The following IHO1 variants were observed in gnomAD, a reference collection of about 807,000 sequenced individuals.
The protein encoded by IHO1 is interactor of HORMAD1 protein 1.
In IHO1, 13 loss-of-function variants were observed where a neutral mutation model predicts 31.0. The ratio of observed to expected loss-of-function variants is 0.42; its 90% confidence interval spans 0.27 to 0.67. The LOEUF is 0.67. Ranked by LOEUF, IHO1 falls within the 30% of genes least tolerant of loss-of-function variation. The probability of loss-of-function intolerance (pLI) is 0.24; values close to 1 mark genes in which losing one functional copy is unlikely to be tolerated. For missense variants in IHO1, 599 were observed against 687.5 expected, an observed-to-expected ratio of 0.87 and a Z score of 1.44; for synonymous variants, 221 against 248.4, an observed-to-expected ratio of 0.89 and a Z score of 1.04.
Position 49,242,162 on chromosome 3 carries a change from C to T in IHO1, c.395+773C>T, listed in dbSNP as rs150694394. Among the ~76,000 whole-genome samples the T allele has an allele frequency of 5.9e-3, 894 of 152,214 alleles. 9 individuals are homozygous for T. The highest frequency in any genetic ancestry group is 0.02 in the African/African-American group (848 of 41,540). On this transcript the variant is annotated intron_variant, in intron 4 of 7. Transcript: ENST00000452691. ...TTCGCCATGTTGGCCAGGCTGGTCA[C>T]GAACTCCTGACCTCAGGTGATCTGC...
At chr3:49,247,983 T>C (rs1323359927) in intron 6 of IHO1, among the ~76,000 whole-genome samples, 7 of 151,136 alleles carry the variant, frequency 4.6e-5, no homozygotes, top group Non-Finnish European at 8.8e-5. Flanking sequence ...AAATTAGCCA[T>C]GCGTGATGGC....
At chr3:49,214,417 T>C (rs932810430) in intron 2 of IHO1, among the ~76,000 whole-genome samples, 1 of 151,394 alleles carries the variant, frequency 6.6e-6, no homozygotes, top group Non-Finnish European at 1.5e-5. Flanking sequence ...GCCTGAGAAG[T>C]AGTGTATATT....
chr3:49,238,794 T>TAATC (rs2046590331), intron 3 of IHO1, among the ~76,000 whole-genome samples: 1 of 152,030 alleles, frequency 6.6e-6, no homozygotes, highest in Non-Finnish European at 1.5e-5. Flanking sequence ...ACCTTGAGTA[T>TAATC]CACTAAGGAA....
intron 2 of IHO1, among the ~76,000 whole-genome samples, chr3:49,217,728 G>A (rs1228251234): frequency 2.0e-5 from 3 of 152,146 alleles, no homozygotes; most frequent in East Asian, 1.9e-4. Context: ...GCAACTAGAC[G>A]GTCCCATTTG....
intron 2 of IHO1, among the ~76,000 whole-genome samples, chr3:49,222,774 A>G (rs934816780): frequency 5.1e-4 from 78 of 152,080 alleles, no homozygotes; most frequent in Admixed American, 1.3e-4. Flanking sequence ...AAGTCCTCCA[A>G]TGGTTCGCAA....
At chr3:49,240,381 G>A (rs1184894746) in intron 3 of IHO1, among the ~76,000 whole-genome samples, 1 of 152,152 alleles carries the variant, frequency 6.6e-6, no homozygotes, top group African/African-American at 2.4e-5. Context: ...CTGCCAGCAT[G>A]CCCGGCTAAT....
upstream of IHO1, among the ~76,000 whole-genome samples, chr3:49,196,237 A>G (rs536799011): frequency 7.5e-4 from 113 of 150,824 alleles, no homozygotes; most frequent in African/African-American, 2.5e-3. Context: ...ACAAAAAAAA[A>G]AAAAAAAAAT....
At chr3:49,197,253 G>A (rs2046004824), upstream of IHO1, among the ~76,000 whole-genome samples, 1 of 150,708 alleles carries the variant, frequency 6.6e-6, no homozygotes, top group Non-Finnish European at 1.5e-5. Context: ...GCCTCCCAAA[G>A]TGCTGGGATT....
At chr3:49,234,026 C>CT (rs1445442590) in intron 2 of IHO1, among the ~76,000 whole-genome samples, 2 of 152,062 alleles carry the variant, frequency 1.3e-5, no homozygotes, top group Non-Finnish European at 2.9e-5. Flanking sequence ...AGAAATAATG[C>CT]TTATCACTGG....
chr3:49,197,426 TC>T, upstream of IHO1, among the ~76,000 whole-genome samples: 1 of 151,870 alleles, frequency 6.6e-6, no homozygotes, highest in East Asian at 1.9e-4. Context: ...CTCCCAAAGT[TC>T]TGGGATTACA....
At position 49,224,734 on chromosome 3, in the gene IHO1, C is replaced by T. The variant is rs571941110; in HGVS notation, c.57-11814C>T. On this transcript the variant is annotated intron_variant, in intron 2 of 7. Transcript: ENST00000452691. ...GTATATAGGTTAAGGTCAGGATTAGCTAAGGGGACTTCTAAGATATCATCT... is the reference window on the plus strand; with the variant it reads ...GTATATAGGTTAAGGTCAGGATTAGTTAAGGGGACTTCTAAGATATCATCT... Among the ~76,000 whole-genome samples, 85 of 152,308 alleles carry T rather than the reference C, an allele frequency of 5.6e-4. 1 individual carries two copies. Among genetic ancestry groups the T allele is most frequent in the African/African-American group, 1.9e-3 (80 of 41,546 alleles).
intron 1 of IHO1, among the ~76,000 whole-genome samples, chr3:49,207,270 G>A (rs1262052648): frequency 4.8e-5 from 7 of 147,336 alleles, no homozygotes; most frequent in Non-Finnish European, 7.5e-5. Flanking sequence ...TTTTTGAGAC[G>A]GAGTCTCACT....
At chr3:49,216,437 T>C (rs2046287457) in intron 2 of IHO1, among the ~76,000 whole-genome samples, 1 of 151,996 alleles carries the variant, frequency 6.6e-6, no homozygotes, top group African/African-American at 2.4e-5. Context: ...TACCAAAAAA[T>C]ACAAAAATTA....
chr3:49,218,241 G>C (rs2046313158), intron 2 of IHO1, among the ~76,000 whole-genome samples: 2 of 151,914 alleles, frequency 1.3e-5, no homozygotes, highest in Non-Finnish European at 2.9e-5. Flanking sequence ...CTCTCCGTCT[G>C]CAAAGAAGGA....
intron 1 of IHO1, among the ~76,000 whole-genome samples, chr3:49,206,339 G>A (rs1275401426): frequency 2.0e-5 from 3 of 151,382 alleles, no homozygotes; most frequent in South Asian, 2.1e-4. Flanking sequence ...CTCGTGATCC[G>A]CCCACCTCGG....
intron 6 of IHO1, among the ~76,000 whole-genome samples, chr3:49,252,887 C>CAAAA (rs1029890753): frequency 6.6e-6 from 1 of 151,786 alleles, no homozygotes; most frequent in African/African-American, 2.4e-5. Flanking sequence ...ACTAAAAATA[C>CAAAA]AAAAATTAGC....
At chr3:49,238,964 G>T (rs2046592810) in intron 3 of IHO1, among the ~76,000 whole-genome samples, 1 of 152,122 alleles carries the variant, frequency 6.6e-6, no homozygotes, top group Non-Finnish European at 1.5e-5. Flanking sequence ...GCTGCCTATT[G>T]CTAGGTCTTG....
intron 1 of IHO1, among the ~76,000 whole-genome samples, chr3:49,209,649 CT>C (rs1302056239): frequency 2.6e-5 from 4 of 150,952 alleles, no homozygotes; most frequent in Non-Finnish European, 5.9e-5. Flanking sequence ...AAAAAAAAGG[CT>C]TGTATTTCTA....
At chr3:49,191,625 G>A in the IHO1 span, 1 of 1,112,464 alleles carries the variant, frequency 9.0e-7, no homozygotes, top group Non-Finnish European at 1.4e-6. Context: ...GGGCGGCTCA[G>A]GGTCCTATTC....
Sources: allele counts gnomAD v4.1 joint callset (sites outside exome capture counted in the v4.1 genomes callset), GRCh38; gene constraint gnomAD v4.1.1; transcripts MANE v1.5; gene names NCBI Gene and HGNC (gene_info 2026-07-23, HGNC 2026-07-21).